Variants in EGFLAM observed in about 807,000 individuals in gnomAD.
EGFLAM encodes pikachurin.
Under a neutral mutation model 113.1 loss-of-function variants are expected in EGFLAM, and 79 were observed. The observed-to-expected ratio is 0.70, with a 90% CI of 0.58 to 0.84. The LOEUF (loss-of-function observed/expected upper bound fraction) is 0.84. Among genes scored for constraint, EGFLAM ranks in the 40% least tolerant of loss-of-function variants. EGFLAM has a pLI of 0.00. For missense variants in EGFLAM, 1,265 were observed against 1,291.6 expected, an observed-to-expected ratio of 0.98 and a Z score of 0.32; for synonymous variants, 504 against 487.6, an observed-to-expected ratio of 1.03 and a Z score of -0.44.
intron 5 of EGFLAM, among the ~76,000 whole-genome samples, chr5:38,368,717 G>A (rs747439509): frequency 1.3e-5 from 2 of 152,072 alleles, no homozygotes; most frequent in Non-Finnish European, 2.9e-5. Context: ...GCCGCCCACC[G>A]TCACTCCCCC....
At chr5:38,343,174 C>G (rs888590093) in intron 3 of EGFLAM, among the ~76,000 whole-genome samples, 1 of 151,934 alleles carries the variant, frequency 6.6e-6, no homozygotes, top group Non-Finnish European at 1.5e-5. Context: ...GAGGCTGAGG[C>G]GGGTGGATCA....
At chr5:38,341,752 G>A (rs772000198) in intron 3 of EGFLAM, among the ~76,000 whole-genome samples, 2 of 152,148 alleles carry the variant, frequency 1.3e-5, no homozygotes, top group Non-Finnish European at 2.9e-5. Flanking sequence ...GAAGATGTGA[G>A]TTATAAGGTA....
intron 1 of EGFLAM, among the ~76,000 whole-genome samples, chr5:38,326,522 G>A (rs1237498820): frequency 6.6e-6 from 1 of 151,394 alleles, no homozygotes. Context: ...TTTTTAAGAC[G>A]GAGTCTCACT....
At chr5:38,440,042 T>G (rs1411851733) in intron 17 of EGFLAM, among the ~76,000 whole-genome samples, 5 of 152,220 alleles carry the variant, frequency 3.3e-5, no homozygotes, top group Non-Finnish European at 7.3e-5. Context: ...AGTGCTCACA[T>G]TTATAGCTTT....
chr5:38,324,231 C>T (rs1255967296), intron 1 of EGFLAM, among the ~76,000 whole-genome samples: 1 of 152,064 alleles, frequency 6.6e-6, no homozygotes, highest in Non-Finnish European at 1.5e-5. Flanking sequence ...AATGTCTCCA[C>T]GTCTCTTATG....
intron 20 of EGFLAM, among the ~76,000 whole-genome samples, chr5:38,459,344 T>C (rs1743198024): frequency 6.6e-6 from 1 of 152,034 alleles, no homozygotes. Flanking sequence ...CCTTAGAACC[T>C]GACTGTATTT....
intron 1 of EGFLAM, among the ~76,000 whole-genome samples, chr5:38,310,997 T>C (rs1198212185): frequency 6.6e-6 from 1 of 152,020 alleles, no homozygotes; most frequent in Non-Finnish European, 1.5e-5. Flanking sequence ...CGACCCTTCC[T>C]CTGCTTGGAT....
At chr5:38,385,427 C>G (rs767483290) in intron 6 of EGFLAM, among the ~76,000 whole-genome samples, 11 of 151,974 alleles carry the variant, frequency 7.2e-5, no homozygotes, top group Non-Finnish European at 1.3e-4. Context: ...CTTATAATAC[C>G]TAATACAATG....
intron 11 of EGFLAM, among the ~76,000 whole-genome samples, chr5:38,413,918 G>C (rs928666854): frequency 6.6e-6 from 1 of 152,140 alleles, no homozygotes. Flanking sequence ...CCTCGCATGC[G>C]CAGTTCACAA....
intron 11 of EGFLAM, among the ~76,000 whole-genome samples, chr5:38,414,260 GGTCAGCGAACTGCATCA>G (rs1209568473): frequency 6.6e-6 from 1 of 152,112 alleles, no homozygotes; most frequent in African/African-American, 2.4e-5. Flanking sequence ...AAAAAGACAG[GGTCAGCGAACTGCATCA>G]GTGCCAGGAC....
rs758900897 is a variant in EGFLAM at position 38,391,384 on chromosome 5, TTGTG to T, written c.713-14711_713-14708del. ...TGTTTTAATTTCTTTTTTCTTTTCT[TTGTG>T]TGTGTGTGTGTGTGTGTGTGTGTGT... On this transcript the variant is annotated intron_variant, in intron 6 of 21. Coordinates refer to ENST00000322350, the MANE Select transcript of EGFLAM (RefSeq NM_152403.4). 1.1e-3 allele frequency among the ~76,000 whole-genome samples: 112 copies of T among 98,012 alleles called. No individual in the cohort carries two copies. The East Asian group carries it at 0.021, about 18-fold the overall frequency. 64.3% of individuals were successfully genotyped at this position (98,012 alleles called of 152,430 possible).
At position 38,431,983 on chromosome 5, in the gene EGFLAM, A is replaced by G. The variant is rs77162411; in HGVS notation, c.2166+695A>G. Among the ~76,000 whole-genome samples, 1,137 of 152,278 alleles carry G rather than the reference A, an allele frequency of 7.5e-3. 13 individuals are homozygous for G. Among genetic ancestry groups the G allele is most frequent in the African/African-American group, 0.026 (1,099 of 41,568 alleles). On this transcript the variant is annotated intron_variant, in intron 15 of 21. Coordinates refer to ENST00000322350, the MANE Select transcript of EGFLAM (RefSeq NM_152403.4). ...ACTCAAGAGGATAGGATTTCTACTT[A>G]AGTTTATAACTTTCCTCCATGATTT...
Position 38,374,656 on chromosome 5 carries a change from C to T in EGFLAM, c.712+4194C>T, listed in dbSNP as rs73075429. On this transcript the variant is annotated intron_variant, in intron 6 of 21. Coordinates refer to ENST00000322350, the MANE Select transcript of EGFLAM (RefSeq NM_152403.4). ...GCCAGAGGCTGCATGATTCCTAAAC[C>T]GTAATTTCTAATCCTGTAGCTAGTT... 9.0e-3 allele frequency among the ~76,000 whole-genome samples: 1,369 copies of T among 152,276 alleles called. 28 individuals carry two copies. The highest frequency in any genetic ancestry group is 0.032 in the African/African-American group (1,325 of 41,550).
rs374749456 is a variant in EGFLAM at position 38,427,075 on chromosome 5, T to C, written c.1877T>C (p.Leu626Pro). 8.4e-5 allele frequency: 136 copies of C among 1,614,004 alleles called. No individual in the cohort carries two copies. Among genetic ancestry groups the C allele is most frequent in the Non-Finnish European group, 1.1e-4 (132 of 1,180,026 alleles). Residue 626 changes from leucine to proline, a missense_variant, in exon 14 of 22, where the codon CTG becomes CCG. By Grantham distance (98) the Leu-to-Pro change is moderately conservative (BLOSUM62 -3). Transcript: ENST00000322350. ...TCTTACGCTGCAACTCCCTGGCCACTGGAGCCCCAGCATTACCTTTCCTTC... is the reference window on the plus strand; with the variant it reads ...TCTTACGCTGCAACTCCCTGGCCACCGGAGCCCCAGCATTACCTTTCCTTC... ...LRSYAATPWPLEPQHYLSFME... is the reference protein window; with the variant it reads ...LRSYAATPWPPEPQHYLSFME...
At chr5:38,430,674 G>A (rs1415859767) in intron 14 of EGFLAM, among the ~76,000 whole-genome samples, 1 of 152,162 alleles carries the variant, frequency 6.6e-6, no homozygotes, top group African/African-American at 2.4e-5. Context: ...GATTTATCAT[G>A]AGGCATTGGC....
chr5:38,343,070 GA>G (rs931661858), intron 3 of EGFLAM, among the ~76,000 whole-genome samples: 18 of 152,090 alleles, frequency 1.2e-4, no homozygotes, highest in African/African-American at 4.1e-4. Context: ...GACCAGGGGC[GA>G]AGTCACTGAT....
At position 38,463,985 on chromosome 5, in the gene EGFLAM, A is replaced by G; in HGVS notation, c.3029A>G (p.Ter1010=). 2 of 1,614,222 alleles carry G rather than the reference A, an allele frequency of 1.2e-6. No homozygotes were observed. The highest frequency in any genetic ancestry group is 1.7e-6 in the Non-Finnish European group (2 of 1,180,044). ...GKNINTCGAK[*] The stretch of plus-strand genomic sequence containing the variant: ...AACATCAACACTTGTGGAGCCAAGT[A>G]ACACCAGCTGGCCTTGTCCAAGGGA... The change falls in exon 22 of 22, where the codon TAA becomes TGA. Residue 1010 remains the stop codon, a stop_retained_variant. Coordinates refer to ENST00000322350, the MANE Select transcript of EGFLAM (RefSeq NM_152403.4).
intron 6 of EGFLAM, chr5:38,403,894 A>G (rs1248328043): frequency 6.2e-6 from 10 of 1,613,924 alleles, no homozygotes; most frequent in Non-Finnish European, 8.5e-6. Flanking sequence ...GCATCCAGGT[A>G]TAAATCTGGC....
intron 1 of EGFLAM, among the ~76,000 whole-genome samples, chr5:38,328,149 C>T (rs1738937058): frequency 6.6e-6 from 1 of 152,058 alleles, no homozygotes; most frequent in African/African-American, 2.4e-5. Context: ...TGGGGAGGCT[C>T]GGGAATTTCA....
Sources: allele counts gnomAD v4.1 joint callset (sites outside exome capture counted in the v4.1 genomes callset), GRCh38; gene constraint gnomAD v4.1.1; transcripts MANE v1.5; gene names NCBI Gene and HGNC (gene_info 2026-07-23, HGNC 2026-07-21).